Variants in SDK1 observed in about 807,000 individuals in gnomAD.
SDK1 encodes the protein protein sidekick-1.
A neutral mutation model predicts 245.5 loss-of-function variants in SDK1; 157 were observed. The observed-to-expected ratio is 0.64, with a 90% CI of 0.56 to 0.73. SDK1 has a LOEUF of 0.73. Ranked by LOEUF, SDK1 falls within the 30% of genes least tolerant of loss-of-function variation. The pLI, the probability that SDK1 is intolerant of heterozygous loss-of-function variation, is 0.00. For synonymous variants in SDK1, 1,647 were observed against 1,278.5 expected, an observed-to-expected ratio of 1.29 and a Z score of -6.15; for missense variants, 3,583 against 3,002.3, an observed-to-expected ratio of 1.19 and a Z score of -4.52.
At chr7:3,861,107 GA>G (rs1200706831) in intron 5 of SDK1, among the ~76,000 whole-genome samples, 2 of 152,008 alleles carry the variant, frequency 1.3e-5, no homozygotes, top group East Asian at 3.8e-4. Flanking sequence ...CTACTGCTGT[GA>G]AAAATAGTTG....
rs145346923 is a variant in SDK1 at position 3,943,735 on chromosome 7, C to G, written c.848-7188C>G. On this transcript the variant is annotated intron_variant, in intron 5 of 44. Coordinates refer to ENST00000404826, the MANE Select transcript of SDK1 (RefSeq NM_152744.4). ...CTTTATTTTTTTTCTGTTTCAGAGA[C>G]TTGATATTCTTTAAATGTACTTTTT... 2.5e-3 allele frequency among the ~76,000 whole-genome samples: 382 copies of G among 152,098 alleles called. 1 individual carries two copies. Among genetic ancestry groups the G allele is most frequent in the African/African-American group, 8.9e-3 (371 of 41,496 alleles).
intron 5 of SDK1, among the ~76,000 whole-genome samples, chr7:3,946,593 A>G (rs543728148): frequency 6.6e-6 from 1 of 152,186 alleles, no homozygotes; most frequent in Non-Finnish European, 1.5e-5. Flanking sequence ...CTGGGATTAC[A>G]GATGTAAGCC....
At chr7:4,047,639 C>T (rs372319622) in intron 17 of SDK1, among the ~76,000 whole-genome samples, 7 of 152,326 alleles carry the variant, frequency 4.6e-5, no homozygotes, top group Admixed American at 2.0e-4. Context: ...ATTCAGCCTT[C>T]GGCCATTCAT....
At chr7:4,019,354 A>G (rs1172502648) in intron 17 of SDK1, among the ~76,000 whole-genome samples, 1 of 152,188 alleles carries the variant, frequency 6.6e-6, no homozygotes, top group Non-Finnish European at 1.5e-5. Context: ...TCTGAGTGAC[A>G]TCAGCTGCCT....
chr7:3,526,168 G>A (rs1000788501), intron 1 of SDK1, among the ~76,000 whole-genome samples: 6 of 152,154 alleles, frequency 3.9e-5, no homozygotes, highest in African/African-American at 1.4e-4. Context: ...AGGAGGTGGA[G>A]GTTGCTGTGA....
At position 3,556,686 on chromosome 7, in the gene SDK1, G is replaced by A. The variant is rs181500279; in HGVS notation, c.299-62394G>A. ...AAATACAAAAATTAAGCCAGGTGTG[G>A]TGGTGCACACCTGTAATCCCAGCTA... On this transcript the variant is annotated intron_variant, in intron 1 of 44. Coordinates refer to ENST00000404826, the MANE Select transcript of SDK1 (RefSeq NM_152744.4). 1.8e-4 allele frequency among the ~76,000 whole-genome samples: 27 copies of A among 152,164 alleles called. No individual in the cohort carries two copies. In the East Asian group the frequency reaches 4.5e-3, roughly 25 times the overall value.
intron 4 of SDK1, among the ~76,000 whole-genome samples, chr7:3,719,390 C>T (rs990679677): frequency 7.2e-5 from 11 of 151,950 alleles, no homozygotes; most frequent in Non-Finnish European, 1.5e-4. Flanking sequence ...CCAGTGTTAA[C>T]GCTTACTGTA....
intron 1 of SDK1, among the ~76,000 whole-genome samples, chr7:3,573,180 G>A (rs1464054372): frequency 1.3e-5 from 2 of 152,094 alleles, no homozygotes; most frequent in Non-Finnish European, 2.9e-5. Context: ...AAATACTTAG[G>A]AAGATTACCC....
At chr7:3,384,721 C>T (rs570644533) in intron 1 of SDK1, among the ~76,000 whole-genome samples, 3 of 152,336 alleles carry the variant, frequency 2.0e-5, no homozygotes, top group African/African-American at 7.2e-5. Flanking sequence ...TGTTTATCTG[C>T]TGCACTTACA....
intron 1 of SDK1, among the ~76,000 whole-genome samples, chr7:3,493,851 G>C (rs760786872): frequency 3.3e-5 from 5 of 152,156 alleles, no homozygotes; most frequent in African/African-American, 1.2e-4. Context: ...GATTGAATTG[G>C]CACCAAAGTT....
intron 4 of SDK1, among the ~76,000 whole-genome samples, chr7:3,688,864 C>G (rs1784363017): frequency 6.6e-6 from 1 of 152,240 alleles, no homozygotes; most frequent in Middle Eastern, 3.4e-3. Context: ...CTCTGCCTTC[C>G]TTAGAGTTTG....
At chr7:3,620,724 T>G (rs903318516) in intron 2 of SDK1, among the ~76,000 whole-genome samples, 3 of 152,122 alleles carry the variant, frequency 2.0e-5, no homozygotes, top group Middle Eastern at 3.2e-3. Context: ...AGCAGGCGGC[T>G]GAGCAGAGCT....
intron 1 of SDK1, among the ~76,000 whole-genome samples, chr7:3,391,839 G>C (rs1208313773): frequency 6.6e-6 from 1 of 151,662 alleles, no homozygotes; most frequent in South Asian, 2.1e-4. Context: ...ATGTTGCCCA[G>C]GCTGGTCTCA....
intron 5 of SDK1, among the ~76,000 whole-genome samples, chr7:3,825,231 T>C (rs1401510843): frequency 6.6e-6 from 1 of 151,940 alleles, no homozygotes; most frequent in African/African-American, 2.4e-5. Context: ...TATTTTTGGC[T>C]TTTGCTTTGA....
At chr7:4,250,018 T>G (rs190241620) in intron 44 of SDK1, among the ~76,000 whole-genome samples, 2,281 of 152,230 alleles carry the variant, frequency 0.015, 48 homozygotes, top group African/African-American at 0.052. Context: ...CGATTAGCAG[T>G]CACTCCTCAA....
At chr7:3,787,748 T>G (rs1264758126) in intron 4 of SDK1, among the ~76,000 whole-genome samples, 1 of 152,212 alleles carries the variant, frequency 6.6e-6, no homozygotes, top group African/African-American at 2.4e-5. Context: ...TCTCTGAAGT[T>G]GACCTGCATG....
In SDK1 at chr7:3,301,322, A is replaced by C. The variant is rs1313125912; in HGVS notation, c.-265A>C. The C allele has an allele frequency of 6.9e-6, 1 of 144,922 alleles. No individual in the cohort carries two copies. Among genetic ancestry groups the C allele is most frequent in the Non-Finnish European group, 1.5e-5 (1 of 65,390 alleles). The allele number at this position is 144,922 out of a possible 1,614,324, so 9.0% of individuals were successfully genotyped here. A position where few individuals can be genotyped will look rare whatever the true frequency, so the allele number is the denominator to read the frequency against. On this transcript the variant is annotated 5_prime_UTR_variant, in exon 1 of 45. Transcript: ENST00000404826. ...CCTCCGCGCCCGGCGGACCCCTCGG[A>C]GCTAGCGCGGCGGGCTCGGGACTGC... is the stretch of plus-strand genomic sequence containing the variant.
At chr7:3,681,925 C>G (rs1054151058) in intron 4 of SDK1, among the ~76,000 whole-genome samples, 3 of 151,998 alleles carry the variant, frequency 2.0e-5, no homozygotes, top group Non-Finnish European at 4.4e-5. Flanking sequence ...TTATACAGTC[C>G]CTATACTGTA....
chr7:3,590,643 C>T (rs528230182), intron 1 of SDK1, among the ~76,000 whole-genome samples: 3 of 152,262 alleles, frequency 2.0e-5, no homozygotes, highest in East Asian at 1.9e-4. Context: ...TATGTGGTAT[C>T]CTCCAGTTCC....
Sources: allele counts gnomAD v4.1 joint callset (sites outside exome capture counted in the v4.1 genomes callset), GRCh38; gene constraint gnomAD v4.1.1; transcripts MANE v1.5; gene names NCBI Gene and HGNC (gene_info 2026-07-23, HGNC 2026-07-21).